NSRP1: variants seen among roughly 807,000 people sequenced by gnomAD.
NSRP1 encodes nuclear speckle splicing regulatory protein 1.
Under a neutral mutation model 54.7 loss-of-function variants are expected in NSRP1, and 24 were observed. That is an observed-to-expected ratio of 0.44 (90% confidence interval 0.32 to 0.62). The LOEUF is 0.62. NSRP1 is among the 20% of genes least tolerant of loss of function. NSRP1 has a pLI of 0.06. For missense variants in NSRP1, 596 were observed against 651.2 expected (o/e 0.92, Z 0.92); for synonymous variants, 210 against 213.8 (o/e 0.98, Z 0.15).
At chr17:30,148,469 A>G (rs1051794399) in intron 2 of NSRP1, among the ~76,000 whole-genome samples, 2 of 152,210 alleles carry the variant, frequency 1.3e-5, no homozygotes, top group Non-Finnish European at 2.9e-5. Context: ...TGTTATGTAC[A>G]TTTACTGACA....
At chr17:30,132,318 T>G (rs1241078826) in intron 2 of NSRP1, among the ~76,000 whole-genome samples, 1 of 147,538 alleles carries the variant, frequency 6.8e-6, no homozygotes, top group African/African-American at 2.5e-5. Context: ...TTTGGGAGAC[T>G]GAAGTAGGCG....
intron 2 of NSRP1, among the ~76,000 whole-genome samples, chr17:30,138,167 C>T (rs930201967): frequency 3.3e-5 from 5 of 152,152 alleles, no homozygotes; most frequent in African/African-American, 1.2e-4. Flanking sequence ...AGGGTTCATC[C>T]ATGGTATAGC....
intron 2 of NSRP1, among the ~76,000 whole-genome samples, chr17:30,153,056 A>G (rs2071929033): frequency 6.6e-6 from 1 of 151,766 alleles, no homozygotes; most frequent in Non-Finnish European, 1.5e-5. Context: ...CTGGGATTAC[A>G]GGCGTGCACC....
At chr17:30,152,903 C>CTTTTTTTTTTTTTTT (rs60246615) in intron 2 of NSRP1, among the ~76,000 whole-genome samples, 10 of 46,918 alleles carry the variant, frequency 2.1e-4, no homozygotes, top group Non-Finnish European at 2.7e-4. Flanking sequence ...TTATTTTCAG[C>CTTTTTTTTTTTTTTT]TTTTTTTTTT....
At chr17:30,121,563 TGTGTGTG>T (rs2071597263) in intron 2 of NSRP1, among the ~76,000 whole-genome samples, 2 of 141,570 alleles carry the variant, frequency 1.4e-5, no homozygotes, top group East Asian at 2.0e-4. Context: ...TGTGCGTGTG[TGTGTGTG>T]TTTTTTTTTT....
At chr17:30,178,840 A>G (rs1905209451) in intron 4 of NSRP1, among the ~76,000 whole-genome samples, 1 of 152,104 alleles carries the variant, frequency 6.6e-6, no homozygotes, top group Non-Finnish European at 1.5e-5. Flanking sequence ...AGAAAAAAGA[A>G]AAAAATTATA....
At chr17:30,146,157 G>A (rs566847084) in intron 2 of NSRP1, among the ~76,000 whole-genome samples, 2 of 152,036 alleles carry the variant, frequency 1.3e-5, no homozygotes, top group East Asian at 1.9e-4. Flanking sequence ...CCAAAATATC[G>A]TTTTTTAAAT....
chr17:30,178,240 T>C, intron 4 of NSRP1, 41 bp downstream of exon 4: 1 of 1,576,350 alleles, frequency 6.3e-7, no homozygotes, highest in African/African-American at 1.4e-5. Flanking sequence ...GACCTTGACC[T>C]ACATTTTGTG....
At chr17:30,145,012 C>T (rs1457375207) in intron 2 of NSRP1, among the ~76,000 whole-genome samples, 7 of 152,162 alleles carry the variant, frequency 4.6e-5, no homozygotes, top group Admixed American at 4.6e-4. Context: ...ATTTTGTAAA[C>T]ATAAATGTTA....
chr17:30,177,081 C>T (rs1004356493), intron 3 of NSRP1, among the ~76,000 whole-genome samples: 1 of 152,040 alleles, frequency 6.6e-6, no homozygotes, highest in East Asian at 1.9e-4. Flanking sequence ...GAAGTAAAAA[C>T]GCCCATGCCT....
chr17:30,119,036 C>G (rs955126532), intron 2 of NSRP1, among the ~76,000 whole-genome samples: 1 of 151,960 alleles, frequency 6.6e-6, no homozygotes, highest in African/African-American at 2.4e-5. Context: ...GCGTAAGCCA[C>G]CGCACCCAGT....
chr17:30,118,508 T>C (rs753391777), intron 2 of NSRP1, among the ~76,000 whole-genome samples: 1 of 152,238 alleles, frequency 6.6e-6, no homozygotes, highest in Non-Finnish European at 1.5e-5. Context: ...AAGCAGTTTT[T>C]AATTTGTTAA....
intron 2 of NSRP1, among the ~76,000 whole-genome samples, chr17:30,149,196 G>A (rs906552626): frequency 6.6e-6 from 1 of 151,978 alleles, no homozygotes; most frequent in East Asian, 1.9e-4. Flanking sequence ...TTTTATTGCC[G>A]TTTCTATTCT....
chr17:30,139,004 G>A (rs973254260), intron 2 of NSRP1, among the ~76,000 whole-genome samples: 2 of 129,608 alleles, frequency 1.5e-5, no homozygotes, highest in Non-Finnish European at 3.1e-5. Context: ...TGCAAGCTCC[G>A]CCTCCCGGGT....
At chr17:30,160,263 G>T (rs984600898) in intron 2 of NSRP1, among the ~76,000 whole-genome samples, 2 of 151,892 alleles carry the variant, frequency 1.3e-5, no homozygotes, top group African/African-American at 4.8e-5. Context: ...TTTTTGTTTT[G>T]TTTTGTTTTG....
intron 2 of NSRP1, among the ~76,000 whole-genome samples, chr17:30,132,733 A>G (rs947539379): frequency 3.9e-5 from 6 of 152,228 alleles, no homozygotes; most frequent in Non-Finnish European, 7.3e-5. Context: ...CACTTCATCT[A>G]CTGAAGTCTT....
At chr17:30,151,306 T>C (rs140530562) in intron 2 of NSRP1, among the ~76,000 whole-genome samples, 182 of 152,238 alleles carry the variant, frequency 1.2e-3, no homozygotes, top group South Asian at 3.1e-3. Flanking sequence ...ATAGGGGGGT[T>C]AGAGCTACCA....
intron 2 of NSRP1, among the ~76,000 whole-genome samples, chr17:30,127,640 C>A (rs561828034): frequency 1.3e-5 from 2 of 152,246 alleles, no homozygotes; most frequent in South Asian, 4.1e-4. Context: ...TCTCAGACTC[C>A]TGGCCTCTAG....
intron 2 of NSRP1, among the ~76,000 whole-genome samples, chr17:30,166,994 T>G (rs1904753806): frequency 6.6e-6 from 1 of 152,106 alleles, no homozygotes; most frequent in Admixed American, 6.6e-5. Context: ...TATCTTACTG[T>G]ATGTTTGTAC....
Sources: gnomAD v4.1 joint callset for allele counts (sites outside exome capture counted in the v4.1 genomes callset) on GRCh38, gnomAD v4.1.1 for gene constraint, MANE v1.5 for transcripts, NCBI Gene and HGNC (gene_info 2026-07-23, HGNC 2026-07-21) for gene names.